RALYL: variants seen among roughly 807,000 people sequenced by gnomAD.
The protein encoded by RALYL is RNA-binding Raly-like protein.
In RALYL, 29 loss-of-function variants were observed where a neutral mutation model predicts 35.1. The ratio of observed to expected loss-of-function variants is 0.83; its 90% CI spans 0.61 to 1.13. The LOEUF (loss-of-function observed/expected upper bound fraction) is 1.13, where lower values mean the gene tolerates loss of function less well. RALYL is among the 50% of genes most tolerant of loss of function. The pLI, the probability that RALYL is intolerant of heterozygous loss-of-function variation, is 0.00. For missense variants in RALYL, 359 were observed against 360.4 expected (o/e 1.00, Z 0.03); for synonymous variants, 120 against 127.6 (o/e 0.94, Z 0.40).
At chr8:84,261,002 T>C (rs1196112043) in intron 1 of RALYL, among the ~76,000 whole-genome samples, 1 of 152,146 alleles carries the variant, frequency 6.6e-6, no homozygotes, top group East Asian at 1.9e-4. Context: ...ATTTTTATGA[T>C]CTATATATTT....
chr8:84,801,642 G>T (rs1823297165), intron 3 of RALYL, among the ~76,000 whole-genome samples: 1 of 152,094 alleles, frequency 6.6e-6, no homozygotes, highest in African/African-American at 2.4e-5. Flanking sequence ...ACAGTATTCT[G>T]GTATAGATAT....
intron 1 of RALYL, among the ~76,000 whole-genome samples, chr8:84,490,653 C>A (rs2055181569): frequency 6.6e-6 from 1 of 151,526 alleles, no homozygotes; most frequent in East Asian, 1.9e-4. Context: ...AGGAAGTGGG[C>A]ATTTCCAAGA....
intron 2 of RALYL, among the ~76,000 whole-genome samples, chr8:84,726,635 T>C (rs1359575824): frequency 6.6e-6 from 1 of 151,780 alleles, no homozygotes; most frequent in African/African-American, 2.4e-5. Flanking sequence ...TGTACATATA[T>C]ATGATGTAGA....
intron 1 of RALYL, among the ~76,000 whole-genome samples, chr8:84,412,148 A>G (rs935350793): frequency 2.6e-5 from 4 of 151,940 alleles, no homozygotes; most frequent in African/African-American, 4.8e-5. Context: ...TTTAAAGGAC[A>G]ATGATAATTA....
intron 1 of RALYL, among the ~76,000 whole-genome samples, chr8:84,331,493 G>T (rs915663705): frequency 1.3e-5 from 2 of 151,944 alleles, no homozygotes; most frequent in African/African-American, 2.4e-5. Flanking sequence ...TCTGAACTTG[G>T]ATGCCACATC....
intron 2 of RALYL, among the ~76,000 whole-genome samples, chr8:84,656,105 GT>G (rs1286249698): frequency 6.6e-6 from 1 of 152,062 alleles, no homozygotes; most frequent in South Asian, 2.1e-4. Context: ...GTTATTTTTT[GT>G]TTGTTTTGTT....
At chr8:84,285,901 G>A (rs1837504074) in intron 1 of RALYL, among the ~76,000 whole-genome samples, 1 of 152,136 alleles carries the variant, frequency 6.6e-6, no homozygotes, top group Non-Finnish European at 1.5e-5. Context: ...AACATGATTT[G>A]ATTTATAGTT....
intron 2 of RALYL, among the ~76,000 whole-genome samples, chr8:84,595,555 G>A (rs1814299052): frequency 6.6e-6 from 1 of 152,030 alleles, no homozygotes; most frequent in Admixed American, 6.6e-5. Flanking sequence ...ACCACCTTTA[G>A]TTTTTAAAAG....
chr8:84,628,429 T>C (rs1823212180), intron 2 of RALYL, among the ~76,000 whole-genome samples: 1 of 152,136 alleles, frequency 6.6e-6, no homozygotes, highest in Non-Finnish European at 1.5e-5. Flanking sequence ...AACATTTATT[T>C]GCTTGTCTAT....
intron 3 of RALYL, among the ~76,000 whole-genome samples, chr8:84,798,479 C>T (rs1017002349): frequency 6.6e-6 from 1 of 152,202 alleles, no homozygotes; most frequent in Non-Finnish European, 1.5e-5. Flanking sequence ...TTCCATTTTG[C>T]AAATGAAATA....
At chr8:84,255,733 A>G (rs1280899179) in intron 1 of RALYL, among the ~76,000 whole-genome samples, 4 of 152,126 alleles carry the variant, frequency 2.6e-5, no homozygotes, top group African/African-American at 9.7e-5. Context: ...TAATGACATA[A>G]TAGCTGCACA....
At chr8:84,524,761 G>C (rs146935707) in intron 1 of RALYL, among the ~76,000 whole-genome samples, 1 of 151,966 alleles carries the variant, frequency 6.6e-6, no homozygotes, top group African/African-American at 2.4e-5. Flanking sequence ...ATTTTACAGA[G>C]CATTTACCAC....
At chr8:84,473,806 CTA>C (rs1428438290) in intron 1 of RALYL, among the ~76,000 whole-genome samples, 1 of 151,814 alleles carries the variant, frequency 6.6e-6, no homozygotes, top group African/African-American at 2.4e-5. Context: ...ATGTTCTACA[CTA>C]TATCTGATCT....
intron 8 of RALYL, among the ~76,000 whole-genome samples, chr8:84,888,970 A>C (rs1249679549): frequency 6.6e-6 from 1 of 152,088 alleles, no homozygotes; most frequent in Admixed American, 6.6e-5. Flanking sequence ...GGCTGGTCTC[A>C]AACTCCTGAC....
intron 2 of RALYL, among the ~76,000 whole-genome samples, chr8:84,756,318 G>A (rs1811399127): frequency 6.6e-6 from 1 of 152,032 alleles, no homozygotes; most frequent in African/African-American, 2.4e-5. Flanking sequence ...CTTCATAGAT[G>A]GCCATCCAAA....
At chr8:84,501,757 A>G (rs1314275707) in intron 1 of RALYL, among the ~76,000 whole-genome samples, 1 of 151,200 alleles carries the variant, frequency 6.6e-6, no homozygotes, top group Non-Finnish European at 1.5e-5. Flanking sequence ...ACAAATGGCA[A>G]TTTTTAAAAA....
At position 84,433,606 on chromosome 8, in the gene RALYL, G is replaced by T. The variant is rs1446068152; in HGVS notation, c.-23-95693G>T. Among the ~76,000 whole-genome samples, 3 of 151,920 alleles carry T rather than the reference G, an allele frequency of 2.0e-5. No individual in the cohort carries two copies. In the South Asian group the frequency reaches 6.2e-4, roughly 32 times the overall value. The stretch of plus-strand genomic sequence containing the variant: ...GAATAGGTCTCACGAGATCTGTTGG[G>T]TTTATCAGGGGGTTCTGCTTTTGCT... On this transcript the variant is annotated intron_variant, in intron 1 of 8. Transcript: ENST00000521268.
chr8:84,783,936 G>T (rs142738329), intron 3 of RALYL, among the ~76,000 whole-genome samples: 1 of 152,174 alleles, frequency 6.6e-6, no homozygotes, highest in Non-Finnish European at 1.5e-5. Context: ...AAAAGCTAGG[G>T]CTCAGGTTCA....
In RALYL at chr8:84,613,210, T is replaced by C. The variant is rs183139050; in HGVS notation, c.256+83633T>C. On this transcript the variant is annotated intron_variant, in intron 2 of 8. Transcript: ENST00000521268. ...GTCTGAGACCTGAAAGCCTCAATTT[T>C]CATAAGAACTAAAAATGAATCATTT... is the stretch of plus-strand genomic sequence containing the variant. Among the ~76,000 whole-genome samples the C allele has an allele frequency of 8.2e-4, 125 of 151,774 alleles. 1 individual carries two copies. The highest frequency in any genetic ancestry group is 2.8e-3 in the African/African-American group (115 of 41,228).
Sources: gnomAD v4.1 joint callset for allele counts (sites outside exome capture counted in the v4.1 genomes callset) on GRCh38, gnomAD v4.1.1 for gene constraint, MANE v1.5 for transcripts, NCBI Gene and HGNC (gene_info 2026-07-23, HGNC 2026-07-21) for gene names.